BRINP3: variants seen among roughly 807,000 people sequenced by gnomAD.
BRINP3 encodes the protein BMP/retinoic acid-inducible neural-specific protein 3.
In BRINP3, 19 loss-of-function variants were observed where a neutral mutation model predicts 71.0. That is an observed-to-expected ratio of 0.27 (90% CI 0.19 to 0.39). The LOEUF (loss-of-function observed/expected upper bound fraction) is 0.39. Among genes scored for constraint, BRINP3 ranks in the 10% least tolerant of loss-of-function variants. The probability of loss-of-function intolerance (pLI) is 1.00; values close to 1 mark genes in which losing one functional copy is unlikely to be tolerated. For missense variants in BRINP3, 959 were observed against 940.8 expected (o/e 1.02, Z -0.25); for synonymous variants, 380 against 337.7 (o/e 1.13, Z -1.37).
At position 190,160,847 on chromosome 1, in the gene BRINP3, G is replaced by A; in HGVS notation, c.1005C>T (p.Phe335=). The A allele has an allele frequency of 4.3e-6, 7 of 1,612,446 alleles. No homozygotes were observed. Among genetic ancestry groups the A allele is most frequent in the Non-Finnish European group, 5.9e-6 (7 of 1,179,262 alleles). Residue 335 remains phenylalanine, a synonymous_variant, in exon 7 of 8, where the codon TTC becomes TTT. Transcript: ENST00000367462. Reference sequence around the variant, plus strand: ...AATGCATTATAGTAGATGTGTTGAGGAAATAATTCATAGGTAGCCTTTTCA... The same window carrying A: ...AATGCATTATAGTAGATGTGTTGAGAAAATAATTCATAGGTAGCCTTTTCA... ...LFMKRLPMNY[F]LNTSTIMHLW...
At chr1:190,373,347 G>T (rs567637911) in intron 2 of BRINP3, among the ~76,000 whole-genome samples, 1 of 151,646 alleles carries the variant, frequency 6.6e-6, no homozygotes, top group Admixed American at 6.6e-5. Flanking sequence ...CCGAGATAGC[G>T]CCATTTCACT....
chr1:190,385,512 A>C (rs573977957), intron 2 of BRINP3, among the ~76,000 whole-genome samples: 285 of 152,036 alleles, frequency 1.9e-3, no homozygotes, highest in African/African-American at 6.7e-3. Context: ...AGAGAAATGC[A>C]AATCAAAACC....
chr1:190,243,883 A>G (rs1659340376), intron 4 of BRINP3, among the ~76,000 whole-genome samples: 1 of 152,142 alleles, frequency 6.6e-6, no homozygotes, highest in Non-Finnish European at 1.5e-5. Context: ...AGCTATCTGA[A>G]GAAGTAAAAC....
intron 4 of BRINP3, among the ~76,000 whole-genome samples, chr1:190,255,035 G>GT (rs202167773): frequency 0.14 from 21,264 of 148,688 alleles, 1,963 homozygotes; most frequent in South Asian, 0.26. Context: ...TAATCATGTG[G>GT]TTTTTTTTTT....
chr1:190,360,395 G>T (rs554151896), intron 2 of BRINP3, among the ~76,000 whole-genome samples: 80 of 152,280 alleles, frequency 5.3e-4, no homozygotes, highest in Non-Finnish European at 9.3e-4. Flanking sequence ...TCTCTAGCTT[G>T]CTGTGGAGGC....
chr1:190,225,964 A>T (rs1657330631), intron 6 of BRINP3, 118 bp downstream of exon 6: 1 of 699,312 alleles, frequency 1.4e-6, no homozygotes, highest in Non-Finnish European at 2.3e-6. Context: ...CATTTGAAAG[A>T]ATAAAAAAAT....
chr1:190,355,717 A>C (rs1668683905), intron 2 of BRINP3, among the ~76,000 whole-genome samples: 1 of 151,928 alleles, frequency 6.6e-6, no homozygotes, highest in Non-Finnish European at 1.5e-5. Context: ...ATTAAGACAC[A>C]TGGTTATTCT....
At chr1:190,416,250 A>G (rs534058550) in intron 2 of BRINP3, among the ~76,000 whole-genome samples, 12 of 152,160 alleles carry the variant, frequency 7.9e-5, no homozygotes, top group Admixed American at 3.3e-4. Flanking sequence ...ATAAGACAGA[A>G]TTCTTAGCTC....
At chr1:190,464,123 G>A (rs147515192) in intron 1 of BRINP3, among the ~76,000 whole-genome samples, 10 of 148,554 alleles carry the variant, frequency 6.7e-5, no homozygotes, top group East Asian at 2.0e-4. Context: ...CAAAAATTAC[G>A]TCTTTCAAAA....
intron 2 of BRINP3, among the ~76,000 whole-genome samples, chr1:190,448,791 C>T (rs1675408757): frequency 6.6e-6 from 1 of 151,468 alleles, no homozygotes; most frequent in Non-Finnish European, 1.5e-5. Context: ...TTCTGGTCAC[C>T]TTGTTTCAAG....
chr1:190,151,762 C>T (rs1656411974), intron 7 of BRINP3, among the ~76,000 whole-genome samples: 1 of 152,062 alleles, frequency 6.6e-6, no homozygotes, highest in African/African-American at 2.4e-5. Context: ...ACAAAGAAGA[C>T]AACTAAAGAG....
At chr1:190,327,326 C>CAAAAAAAAAAA (rs1227478693) in intron 2 of BRINP3, among the ~76,000 whole-genome samples, 42 of 44,244 alleles carry the variant, frequency 9.5e-4, no homozygotes, top group Non-Finnish European at 1.6e-3. Context: ...AAAAAAAGAA[C>CAAAAAAAAAAA]AAAAAAAAAA....
intron 2 of BRINP3, among the ~76,000 whole-genome samples, chr1:190,301,583 A>C (rs1571684859): frequency 6.6e-6 from 1 of 151,886 alleles, no homozygotes; most frequent in East Asian, 1.9e-4. Context: ...GTATGAAATA[A>C]AAATTTTTAA....
chr1:190,380,734 T>C (rs1670494989), intron 2 of BRINP3, among the ~76,000 whole-genome samples: 1 of 152,148 alleles, frequency 6.6e-6, no homozygotes, highest in African/African-American at 2.4e-5. Context: ...GTTTTTAGAT[T>C]CACCATATCA....
intron 7 of BRINP3, among the ~76,000 whole-genome samples, chr1:190,106,349 C>T (rs966125241): frequency 5.9e-5 from 9 of 151,606 alleles, no homozygotes; most frequent in Admixed American, 1.3e-4. Flanking sequence ...AGTCAGTTTA[C>T]AGTGTTTATG....
At chr1:190,156,225 T>C (rs574085998) in intron 7 of BRINP3, among the ~76,000 whole-genome samples, 1 of 152,234 alleles carries the variant, frequency 6.6e-6, no homozygotes. Context: ...CTATCTGTCA[T>C]TATATAGGAA....
chr1:190,388,446 A>T (rs556931278), intron 2 of BRINP3, among the ~76,000 whole-genome samples: 18 of 152,000 alleles, frequency 1.2e-4, no homozygotes, highest in Admixed American at 3.3e-4. Context: ...AACAAGTATA[A>T]TTATAAAAAT....
intron 2 of BRINP3, among the ~76,000 whole-genome samples, chr1:190,445,871 T>C (rs550780097): frequency 6.6e-6 from 1 of 152,286 alleles, no homozygotes; most frequent in South Asian, 2.1e-4. Flanking sequence ...TTTGTTTAAA[T>C]GCCAAAACAT....
At chr1:190,239,672 T>G (rs934610945) in intron 4 of BRINP3, among the ~76,000 whole-genome samples, 15 of 152,120 alleles carry the variant, frequency 9.9e-5, no homozygotes, top group African/African-American at 3.4e-4. Context: ...TGGTTAATAT[T>G]AATTTTCCTT....
Sources: allele counts gnomAD v4.1 joint callset (sites outside exome capture counted in the v4.1 genomes callset), GRCh38; gene constraint gnomAD v4.1.1; transcripts MANE v1.5; gene names NCBI Gene and HGNC (gene_info 2026-07-23, HGNC 2026-07-21).